UNC5B: variants seen among roughly 807,000 people sequenced by gnomAD.
The protein encoded by UNC5B is unc-5 netrin receptor B, also known as netrin receptor UNC5B.
UNC5B carries 56 observed loss-of-function variants against 103.7 expected under a neutral mutation model. The ratio of observed to expected loss-of-function variants is 0.54; its 90% CI spans 0.44 to 0.67. UNC5B has a LOEUF of 0.67. UNC5B is among the 30% of genes least tolerant of loss of function. The pLI, the probability that UNC5B is intolerant of heterozygous loss-of-function variation, is 0.00. For synonymous variants in UNC5B, 577 were observed against 542.0 expected, an observed-to-expected ratio of 1.06 and a Z score of -0.90; for missense variants, 1,194 against 1,284.5, an observed-to-expected ratio of 0.93 and a Z score of 1.08.
rs554162045 is a variant in UNC5B, at chr10:71,295,866, C to A, written c.2231C>A (p.Pro744Gln). ...LGGYLVEEPK[P>Q]LMFKDSYHNL... Reference sequence around the variant, plus strand: ...GGATACTTGGTGGAGGAGCCGAAACCGCTAATGTTCAAGGACAGTTACCAC... The same window carrying A: ...GGATACTTGGTGGAGGAGCCGAAACAGCTAATGTTCAAGGACAGTTACCAC... Residue 744 changes from proline to glutamine, a missense_variant, in exon 14 of 17, where the codon CCG becomes CAG. Physicochemically the swap from Pro to Gln is moderately conservative, Grantham distance 76 (BLOSUM62 -1). Transcript: ENST00000335350. 2 of 1,613,118 alleles carry A rather than the reference C, an allele frequency of 1.2e-6. No individual in the cohort carries two copies. The highest frequency in any genetic ancestry group is 1.7e-6 in the Non-Finnish European group (2 of 1,180,020).
At chr10:71,219,392 G>A (rs752477300) in intron 1 of UNC5B, among the ~76,000 whole-genome samples, 5 of 152,138 alleles carry the variant, frequency 3.3e-5, no homozygotes, top group Admixed American at 6.5e-5. Flanking sequence ...TTCCAAAACC[G>A]AAGAACTTCT....
intron 15 of UNC5B, among the ~76,000 whole-genome samples, chr10:71,297,564 CACTCCCCTTTTCTAG>C (rs1845473509): frequency 6.6e-6 from 1 of 152,262 alleles, no homozygotes; most frequent in African/African-American, 2.4e-5. Context: ...ATGAGCAAGC[CACTCCCCTTTTCTAG>C]ACTTCACTTT....
chr10:71,227,531 T>A (rs991585296), intron 1 of UNC5B, among the ~76,000 whole-genome samples: 3 of 151,628 alleles, frequency 2.0e-5, no homozygotes, highest in African/African-American at 7.3e-5. Context: ...TTATTATCCA[T>A]GTAACCAAAT....
chr10:71,213,433 G>A lies in UNC5B; in HGVS notation c.79+369G>A, dbSNP rs931251242. Among the ~76,000 whole-genome samples, 9 of 152,144 alleles carry A rather than the reference G, an allele frequency of 5.9e-5. No homozygotes were observed. The highest frequency in any genetic ancestry group is 1.3e-4 in the Non-Finnish European group (9 of 68,036). ...CCGAAAAAGAACATTGGCTACATAAGCAAGGTGTGCGCTCGCTGCCGTACG... is the reference window on the plus strand; with the variant it reads ...CCGAAAAAGAACATTGGCTACATAAACAAGGTGTGCGCTCGCTGCCGTACG... On this transcript the variant is annotated intron_variant, in intron 1 of 16. Transcript: ENST00000335350. The surrounding 1 kb of genome is among the most constrained non-coding windows in gnomAD (Gnocchi z 4.1).
chr10:71,278,431 G>A (rs893512479), intron 1 of UNC5B, among the ~76,000 whole-genome samples: 2 of 152,200 alleles, frequency 1.3e-5, no homozygotes, highest in African/African-American at 4.8e-5. Flanking sequence ...CTGGAGTCAT[G>A]TGTCATCTTG....
At chr10:71,230,679 G>A (rs1843665272) in intron 1 of UNC5B, among the ~76,000 whole-genome samples, 2 of 152,226 alleles carry the variant, frequency 1.3e-5, no homozygotes, top group South Asian at 4.1e-4. Flanking sequence ...TCCCCATAAG[G>A]GAAATTCTAG....
At chr10:71,237,441 G>T (rs1038322235) in intron 1 of UNC5B, among the ~76,000 whole-genome samples, 1 of 152,180 alleles carries the variant, frequency 6.6e-6, no homozygotes, top group Non-Finnish European at 1.5e-5. Context: ...TTTTGGAGTT[G>T]GTTAGCCTGG....
intron 1 of UNC5B, among the ~76,000 whole-genome samples, chr10:71,258,084 C>T (rs1322945523): frequency 1.3e-5 from 2 of 152,202 alleles, no homozygotes; most frequent in African/African-American, 4.8e-5. Context: ...CATTACTTAT[C>T]CTCTAGGCTA....
At position 71,288,603 on chromosome 10, in the gene UNC5B, G is replaced by C; in HGVS notation, c.937G>C (p.Ala313Pro). ...GTGGACGGAGTGGAGCAAGTGGTCA[G>C]CCTGCAGCACTGAGTGTGCCCACTG... ...GAWTEWSKWS[A>P]CSTECAHWRS... is the part of the protein sequence containing the mutation. The change falls in exon 7 of 17, where the codon GCC becomes CCC. Residue 313 changes from alanine (A) to proline (P), a missense_variant. By Grantham distance (27) the Ala-to-Pro change is conservative. Transcript: ENST00000335350. The C allele has an allele frequency of 6.2e-7, 1 of 1,614,062 alleles. No individual in the cohort carries two copies.
At chr10:71,243,692 G>A (rs1356261390) in intron 1 of UNC5B, among the ~76,000 whole-genome samples, 1 of 152,170 alleles carries the variant, frequency 6.6e-6, no homozygotes, top group East Asian at 1.9e-4. Context: ...GGATGGCCAA[G>A]GTTGGAGAGA....
intron 1 of UNC5B, chr10:71,217,300 T>G (rs1040956637): frequency 3.3e-5 from 5 of 152,576 alleles, no homozygotes; most frequent in Non-Finnish European, 7.3e-5. Flanking sequence ...GAGAGAACAC[T>G]TTGCGGAAGG....
chr10:71,285,506 C>T, intron 4 of UNC5B, 77 bp downstream of exon 4: 5 of 1,299,924 alleles, frequency 3.8e-6, no homozygotes, highest in Non-Finnish European at 3.1e-6. Context: ...TGGTATTTAC[C>T]ACCAGCCATG....
Position 71,299,969 on chromosome 10 carries a change from C to A in UNC5B, c.*692C>A, listed in dbSNP as rs148932209. 6.6e-6 allele frequency: 1 copy of A among 151,794 alleles called. No homozygotes were observed. The highest frequency in any genetic ancestry group is 6.6e-5 in the Admixed American group (1 of 15,258). The allele number at this position is 151,794 out of a possible 1,614,324, so 9.4% of individuals were successfully genotyped here. ...AACAACACAAAAAAAATAGAAAACT[C>A]TTTTCTTGAGTGTGGATGAGAATGG... On this transcript the variant is annotated 3_prime_UTR_variant, in exon 17 of 17. Transcript: ENST00000335350.
At chr10:71,233,350 C>T (rs908701217) in intron 1 of UNC5B, among the ~76,000 whole-genome samples, 1 of 152,186 alleles carries the variant, frequency 6.6e-6, no homozygotes, top group Non-Finnish European at 1.5e-5. Context: ...GGTCAATGCA[C>T]TTGTAATAAA....
chr10:71,283,774 C>T (rs954824520), intron 2 of UNC5B, among the ~76,000 whole-genome samples: 2 of 152,096 alleles, frequency 1.3e-5, no homozygotes, highest in East Asian at 3.9e-4. Flanking sequence ...TTGTGTAGGC[C>T]GGTAGGTCCT....
chr10:71,251,542 C>T (rs956071432), intron 1 of UNC5B, among the ~76,000 whole-genome samples: 4 of 152,170 alleles, frequency 2.6e-5, no homozygotes, highest in Admixed American at 2.6e-4. Flanking sequence ...AAATAAGAAT[C>T]CATCATGTGC....
intron 1 of UNC5B, among the ~76,000 whole-genome samples, chr10:71,242,263 G>A (rs1301328801): frequency 6.6e-6 from 1 of 152,188 alleles, no homozygotes; most frequent in Non-Finnish European, 1.5e-5. Flanking sequence ...CTCCCCCTGG[G>A]TGAGATGATC....
chr10:71,292,017 C>A lies in UNC5B; in HGVS notation c.1684+196C>A, dbSNP rs531373897. On this transcript the variant is annotated intron_variant, in intron 10 of 16. Coordinates refer to ENST00000335350, the MANE Select transcript of UNC5B (RefSeq NM_170744.5). ...GCTAGGCTTCAAGCCTGCCTATGCC[C>A]TCACTAGGGCAGAGGAACCTTGGGC... is the stretch of plus-strand genomic sequence containing the variant. Among the ~76,000 whole-genome samples, 13 of 152,332 alleles carry A rather than the reference C, an allele frequency of 8.5e-5. 1 individual carries two copies. The South Asian group carries it at 2.7e-3, about 32-fold the overall frequency.
intron 1 of UNC5B, among the ~76,000 whole-genome samples, chr10:71,273,862 C>T (rs967300700): frequency 6.6e-6 from 1 of 152,226 alleles, no homozygotes; most frequent in Admixed American, 6.5e-5. Context: ...CCTCTAGACC[C>T]TAGCCTGGTC....
Sources: gnomAD v4.1 joint callset for allele counts (sites outside exome capture counted in the v4.1 genomes callset) on GRCh38, gnomAD v4.1.1 for gene constraint, Gnocchi (gnomAD v3.1) non-coding constraint, MANE v1.5 for transcripts, NCBI Gene and HGNC (gene_info 2026-07-23, HGNC 2026-07-21) for gene names.